Variants in SPIRE1 observed in about 807,000 individuals in gnomAD.
SPIRE1 encodes protein spire homolog 1.
SPIRE1 carries 40 observed loss-of-function variants against 94.1 expected under a neutral mutation model. The ratio of observed to expected loss-of-function variants is 0.43; its 90% CI spans 0.33 to 0.55. The LOEUF (loss-of-function observed/expected upper bound fraction) is 0.55. SPIRE1 is among the 20% of genes least tolerant of loss of function. The pLI is 0.06. For missense variants in SPIRE1, 838 were observed against 975.2 expected, an observed-to-expected ratio of 0.86 and a Z score of 1.87; for synonymous variants, 376 against 371.7, an observed-to-expected ratio of 1.01 and a Z score of -0.13.
intron 12 of SPIRE1, among the ~76,000 whole-genome samples, chr18:12,460,504 G>T (rs1177755505): frequency 1.3e-5 from 2 of 152,206 alleles, no homozygotes; most frequent in African/African-American, 4.8e-5. Context: ...CCTGAGGTCA[G>T]GAGTTCGAGA....
At chr18:12,625,860 T>C (rs1293050216) in intron 2 of SPIRE1, among the ~76,000 whole-genome samples, 1 of 152,082 alleles carries the variant, frequency 6.6e-6, no homozygotes, top group Non-Finnish European at 1.5e-5. Flanking sequence ...CTGGCCAACA[T>C]GGTGAAACCC....
intron 9 of SPIRE1, among the ~76,000 whole-genome samples, chr18:12,483,641 A>T (rs2032925842): frequency 6.6e-6 from 1 of 152,180 alleles, no homozygotes; most frequent in Admixed American, 6.6e-5. Context: ...ATAGGTTAAG[A>T]TTTTCACTAA....
intron 2 of SPIRE1, among the ~76,000 whole-genome samples, chr18:12,569,017 T>C (rs529038302): frequency 7.9e-5 from 12 of 152,198 alleles, no homozygotes; most frequent in Admixed American, 5.9e-4. Context: ...CAAAAAGTAA[T>C]TCTAAAATTA....
chr18:12,660,384 C>T (rs957391730), upstream of SPIRE1, among the ~76,000 whole-genome samples: 1 of 150,544 alleles, frequency 6.6e-6, no homozygotes, highest in Non-Finnish European at 1.5e-5. Context: ...GTCAGTGCCG[C>T]GATTTCAGCT....
In SPIRE1 at chr18:12,654,654, CA is replaced by C. The variant is rs1221339639; in HGVS notation, c.337+2875del. ...TGGGCGACTGAGCGAGACTCCGTCT[CA>C]AAAAAAAAAAAATTATTTTTACTTA... On this transcript the variant is annotated intron_variant, in intron 1 of 16. Transcript: ENST00000409402. Among the ~76,000 whole-genome samples the C allele has an allele frequency of 4.5e-3, 631 of 139,022 alleles. 1 individual carries two copies. The highest frequency in any genetic ancestry group is 7.0e-3 in the Non-Finnish European group (450 of 63,858). The allele number at this position is 139,022 out of a possible 152,430, so 91.2% of individuals were successfully genotyped here. A position where few individuals can be genotyped will look rare whatever the true frequency, so the allele number is the denominator to read the frequency against.
At chr18:12,510,301 G>A (rs2144020820) in intron 5 of SPIRE1, among the ~76,000 whole-genome samples, 1 of 151,970 alleles carries the variant, frequency 6.6e-6, no homozygotes. Flanking sequence ...ATGGTTTCAT[G>A]GCTGAATATA....
At chr18:12,603,230 T>C (rs1014732822) in intron 2 of SPIRE1, among the ~76,000 whole-genome samples, 5 of 152,214 alleles carry the variant, frequency 3.3e-5, no homozygotes, top group African/African-American at 1.2e-4. Flanking sequence ...GTACTCAAAC[T>C]ATAGTTACTA....
rs735590 is a variant in SPIRE1, at chr18:12,527,729, C to T, written c.729+7747G>A. On this transcript the variant is annotated intron_variant, in intron 4 of 16. Coordinates refer to ENST00000409402, the MANE Select transcript of SPIRE1 (RefSeq NM_001128626.2). ...TCCTGGCTCCTGATAACTCCATAAT[C>T]GGCATCTTAAGGTTGATTCTATTCT... Among the ~76,000 whole-genome samples the T allele has an allele frequency of 1.2e-3, 185 of 152,124 alleles. 2 individuals carry two copies. The highest frequency in any genetic ancestry group is 6.8e-3 in the Middle Eastern group (2 of 294).
At chr18:12,580,099 G>A (rs184911198) in intron 2 of SPIRE1, among the ~76,000 whole-genome samples, 3 of 152,272 alleles carry the variant, frequency 2.0e-5, no homozygotes, top group Non-Finnish European at 4.4e-5. Context: ...GATAGAAACA[G>A]CTCCTTCTGG....
At chr18:12,646,229 A>G (rs2038221511) in intron 1 of SPIRE1, among the ~76,000 whole-genome samples, 1 of 152,008 alleles carries the variant, frequency 6.6e-6, no homozygotes, top group Non-Finnish European at 1.5e-5. Context: ...CTACAGCCCC[A>G]TCCTGGAGAC....
intron 2 of SPIRE1, among the ~76,000 whole-genome samples, chr18:12,597,822 G>A (rs2036719321): frequency 6.6e-6 from 1 of 152,184 alleles, no homozygotes; most frequent in Non-Finnish European, 1.5e-5. Context: ...GAAGAAGAGT[G>A]GAATCAAATG....
At chr18:12,523,563 GC>G (rs917122647) in intron 4 of SPIRE1, among the ~76,000 whole-genome samples, 3 of 152,206 alleles carry the variant, frequency 2.0e-5, no homozygotes, top group African/African-American at 7.2e-5. Flanking sequence ...ACCTTTAGCA[GC>G]CACCACCTTG....
intron 4 of SPIRE1, among the ~76,000 whole-genome samples, chr18:12,527,690 C>T (rs1184559731): frequency 6.6e-6 from 1 of 152,134 alleles, no homozygotes; most frequent in African/African-American, 2.4e-5. Flanking sequence ...AGCTGTGCAC[C>T]ATTCCTGTGC....
At chr18:12,646,277 T>C (rs1428990040) in intron 1 of SPIRE1, among the ~76,000 whole-genome samples, 1 of 152,178 alleles carries the variant, frequency 6.6e-6, no homozygotes, top group Non-Finnish European at 1.5e-5. Context: ...ACTCGCCTAC[T>C]GTCACCAGGC....
chr18:12,506,397 G>A (rs1448935488), intron 6 of SPIRE1, 80 bp downstream of exon 6: 15 of 1,245,810 alleles, frequency 1.2e-5, no homozygotes, highest in Non-Finnish European at 1.7e-5. Context: ...GACCTCAGAT[G>A]ATCCACCTGC....
At chr18:12,628,012 A>G (rs1465662346) in intron 2 of SPIRE1, among the ~76,000 whole-genome samples, 1 of 151,682 alleles carries the variant, frequency 6.6e-6, no homozygotes, top group Non-Finnish European at 1.5e-5. Flanking sequence ...TTTCCTGTTC[A>G]CTCTGAGGGT....
intron 2 of SPIRE1, among the ~76,000 whole-genome samples, chr18:12,611,349 A>T (rs748958321): frequency 2.2e-4 from 33 of 152,138 alleles, no homozygotes; most frequent in Admixed American, 9.2e-4. Context: ...TTCTCTCTAT[A>T]TATCTTGGAT....
chr18:12,637,128 G>A (rs11659551), intron 1 of SPIRE1, among the ~76,000 whole-genome samples: 2 of 152,152 alleles, frequency 1.3e-5, no homozygotes, highest in African/African-American at 4.8e-5. Flanking sequence ...GGGAGACCGA[G>A]GCAGACAGAT....
intron 12 of SPIRE1, among the ~76,000 whole-genome samples, chr18:12,455,716 T>C (rs1049322974): frequency 5.3e-5 from 8 of 152,308 alleles, no homozygotes; most frequent in East Asian, 1.9e-4. Context: ...CAAGGGGCCA[T>C]TGTGGTGCAG....
Sources: allele counts gnomAD v4.1 joint callset (sites outside exome capture counted in the v4.1 genomes callset), GRCh38; gene constraint gnomAD v4.1.1; transcripts MANE v1.5; gene names NCBI Gene and HGNC (gene_info 2026-07-23, HGNC 2026-07-21).